The following TENM2 variants were observed in gnomAD, a reference collection of about 807,000 sequenced individuals.
TENM2 encodes the protein teneurin transmembrane protein 2.
Under a neutral mutation model 245.2 loss-of-function variants are expected in TENM2, and 52 were observed. That is an observed-to-expected ratio of 0.21 (90% confidence interval 0.17 to 0.27). The LOEUF (loss-of-function observed/expected upper bound fraction) is 0.27, where lower values mean the gene tolerates loss of function less well. Ranked by LOEUF, TENM2 falls within the 10% of genes least tolerant of loss-of-function variation. The pLI, the probability that TENM2 is intolerant of heterozygous loss-of-function variation, is 1.00. For missense variants in TENM2, 3,046 were observed against 3,666.8 expected (o/e 0.83, Z 4.37); for synonymous variants, 1,363 against 1,438.9 (o/e 0.95, Z 1.19).
In TENM2 at chr5:167,449,314, C is replaced by G. The variant is rs189401283; in HGVS notation, c.502+73841C>G. On this transcript the variant is annotated intron_variant, in intron 2 of 28. Transcript: ENST00000518659. ...TGGTCACTGAAGAGGTTAACACACT[C>G]CAGTGCTGACAACATGATAATGAGG... 2.0e-5 allele frequency among the ~76,000 whole-genome samples: 3 copies of G among 152,270 alleles called. No individual in the cohort carries two copies. The East Asian group carries it at 5.8e-4, about 29-fold the overall frequency.
chr5:167,430,335 A>G (rs1764141759), intron 2 of TENM2, among the ~76,000 whole-genome samples: 1 of 152,194 alleles, frequency 6.6e-6, no homozygotes, highest in Non-Finnish European at 1.5e-5. Context: ...TAAAATAATC[A>G]ACGTAATGTG....
At position 167,608,347 on chromosome 5, in the gene TENM2, G is replaced by C. The variant is rs537497764; in HGVS notation, c.502+232874G>C. Among the ~76,000 whole-genome samples, 11 of 152,292 alleles carry C rather than the reference G, an allele frequency of 7.2e-5. No homozygotes were observed. In the East Asian group the frequency reaches 2.1e-3, roughly 29 times the overall value. ...CAGGGGAGTGTCTCCCAAACTTTGAGATGGTTATCTGTTAATCGAAGGAAA... is the reference window on the plus strand; with the variant it reads ...CAGGGGAGTGTCTCCCAAACTTTGACATGGTTATCTGTTAATCGAAGGAAA... On this transcript the variant is annotated intron_variant, in intron 2 of 28. Coordinates refer to ENST00000518659, the Ensembl canonical transcript of TENM2.
At chr5:167,056,668 C>CTG in the TENM2 span, among the ~76,000 whole-genome samples, 22 of 114,724 alleles carry the variant, frequency 1.9e-4, no homozygotes, top group Non-Finnish European at 2.9e-4. Context: ...TATATATGTG[C>CTG]CATATATATA....
At chr5:167,144,955 C>CTTTCCTTGTCCTTTA in the TENM2 span, among the ~76,000 whole-genome samples, 1 of 152,116 alleles carries the variant, frequency 6.6e-6, no homozygotes, top group South Asian at 2.1e-4. Context: ...AGGGAGAATC[C>CTTTCCTTGTCCTTTA]TTTCCTTGTC....
chr5:167,179,592 C>T, the TENM2 span, among the ~76,000 whole-genome samples: 3 of 152,190 alleles, frequency 2.0e-5, no homozygotes, highest in South Asian at 6.2e-4. Flanking sequence ...CCCCGCAACC[C>T]CGGCTCCCCG....
At chr5:167,263,811 A>C in the TENM2 span, among the ~76,000 whole-genome samples, 1 of 152,070 alleles carries the variant, frequency 6.6e-6, no homozygotes, top group African/African-American at 2.4e-5. Flanking sequence ...CTGGCCAGGC[A>C]CAGTGGCTCA....
chr5:167,015,167 T>A, the TENM2 span, among the ~76,000 whole-genome samples: 616 of 152,336 alleles, frequency 4.0e-3, 4 homozygotes, highest in African/African-American at 0.014. Flanking sequence ...ATTTATCTTA[T>A]TGGTTTCCTG....
chr5:168,041,102 C>T (rs75300864), intron 5 of TENM2, among the ~76,000 whole-genome samples: 128 of 152,178 alleles, frequency 8.4e-4, no homozygotes, highest in African/African-American at 3.0e-3. Flanking sequence ...CTCAGAGGGC[C>T]GATGTCCTCC....
Position 167,717,865 on chromosome 5 carries a change from C to G in TENM2, c.503-158121C>G, listed in dbSNP as rs955705640. On this transcript the variant is annotated intron_variant, in intron 2 of 28. Coordinates refer to ENST00000518659, the Ensembl canonical transcript of TENM2. The stretch of plus-strand genomic sequence containing the variant: ...TGTTATTCCAGAGGAAATGCTTGGG[C>G]AAGCAGAACTTTGTCTAAAATACCA... 5.9e-5 allele frequency among the ~76,000 whole-genome samples: 9 copies of G among 152,314 alleles called. No individual in the cohort carries two copies. The South Asian group carries it at 1.0e-3, about 18-fold the overall frequency.
intron 1 of TENM2, among the ~76,000 whole-genome samples, chr5:167,322,280 C>A (rs1211229698): frequency 6.6e-6 from 1 of 150,590 alleles, no homozygotes; most frequent in Non-Finnish European, 1.5e-5. Context: ...GAAAAAACAT[C>A]TATCAAGGGC....
At chr5:167,452,931 T>TTTTATATATA (rs1264260420) in intron 2 of TENM2, among the ~76,000 whole-genome samples, 8 of 4,868 alleles carry the variant, frequency 1.6e-3, no homozygotes, top group African/African-American at 2.2e-3. Flanking sequence ...AAAGTATGAT[T>TTTTATATATA]TATATATATA....
intron 1 of TENM2, among the ~76,000 whole-genome samples, chr5:167,340,112 A>G (rs1245173009): frequency 1.3e-5 from 2 of 152,202 alleles, no homozygotes; most frequent in African/African-American, 4.8e-5. Context: ...ACTGGAACAC[A>G]GATCAGCCAA....
intron 13 of TENM2, among the ~76,000 whole-genome samples, chr5:168,165,636 ATCCCCCCCCC>A (rs1562237403): frequency 5.2e-5 from 2 of 38,682 alleles, no homozygotes; most frequent in African/African-American, 1.2e-4. Flanking sequence ...ACAATTCAGG[ATCCCCCCCCC>A]AACCCCCCCC....
chr5:167,203,449 T>C, the TENM2 span, among the ~76,000 whole-genome samples: 1 of 152,196 alleles, frequency 6.6e-6, no homozygotes, highest in African/African-American at 2.4e-5. Flanking sequence ...ATGCTCCCCT[T>C]TGACAGTAGA....
chr5:167,730,932 C>T (rs1228954540), intron 2 of TENM2, among the ~76,000 whole-genome samples: 3 of 152,274 alleles, frequency 2.0e-5, no homozygotes, highest in African/African-American at 4.8e-5. Context: ...TAATACTTCT[C>T]ACAGTGAAAT....
chr5:167,102,676 T>C, the TENM2 span, among the ~76,000 whole-genome samples: 5 of 152,264 alleles, frequency 3.3e-5, no homozygotes, highest in Admixed American at 2.0e-4. Flanking sequence ...TATTTTGTTT[T>C]GAGACATAGC....
chr5:167,068,801 T>C, the TENM2 span, among the ~76,000 whole-genome samples: 1 of 152,230 alleles, frequency 6.6e-6, no homozygotes, highest in African/African-American at 2.4e-5. Context: ...TTCTGTGTTA[T>C]AAAATTATTT....
intron 4 of TENM2, among the ~76,000 whole-genome samples, chr5:167,974,994 A>G (rs2151947357): frequency 6.6e-6 from 1 of 152,352 alleles, no homozygotes; most frequent in Admixed American, 6.5e-5. Flanking sequence ...CCAAGCCTTC[A>G]AGATGTCTGG....
chr5:167,140,166 T>A, the TENM2 span, among the ~76,000 whole-genome samples: 1 of 152,106 alleles, frequency 6.6e-6, no homozygotes, highest in African/African-American at 2.4e-5. Context: ...TTTAGAAAAT[T>A]TATTTGGATA....
Sources: allele counts gnomAD v4.1 joint callset (sites outside exome capture counted in the v4.1 genomes callset), GRCh38; gene constraint gnomAD v4.1.1; transcripts MANE v1.5; gene names NCBI Gene and HGNC (gene_info 2026-07-23, HGNC 2026-07-21).